The following DLG2 variants were observed in gnomAD, a reference collection of about 807,000 sequenced individuals.
DLG2 encodes discs large MAGUK scaffold protein 2.
Under a neutral mutation model 132.5 loss-of-function variants are expected in DLG2, and 45 were observed. The observed-to-expected ratio is 0.34, with a 90% confidence interval of 0.27 to 0.44. The LOEUF is 0.44. Among genes scored for constraint, DLG2 ranks in the 20% least tolerant of loss-of-function variants. The pLI, the probability that DLG2 is intolerant of heterozygous loss-of-function variation, is 1.00. For synonymous variants in DLG2, 424 were observed against 419.6 expected (o/e 1.01, Z -0.13); for missense variants, 1,045 against 1,196.9 (o/e 0.87, Z 1.87).
At chr11:84,466,673 G>A (rs897933112) in intron 7 of DLG2, among the ~76,000 whole-genome samples, 4 of 151,298 alleles carry the variant, frequency 2.6e-5, no homozygotes, top group Non-Finnish European at 4.4e-5. Flanking sequence ...TATTTCTAGT[G>A]GGGGTACTAA....
intron 6 of DLG2, among the ~76,000 whole-genome samples, chr11:84,942,469 C>T (rs2049575213): frequency 6.6e-6 from 1 of 152,148 alleles, no homozygotes; most frequent in Non-Finnish European, 1.5e-5. Context: ...CCTTTATTGA[C>T]ACACTAGGCA....
intron 8 of DLG2, among the ~76,000 whole-genome samples, chr11:84,216,188 T>A (rs1340377678): frequency 6.6e-6 from 1 of 152,152 alleles, no homozygotes; most frequent in Non-Finnish European, 1.5e-5. Context: ...TGGGCCCCTA[T>A]CTATTCAAGC....
At chr11:84,176,994 A>G (rs1390948420) in intron 8 of DLG2, among the ~76,000 whole-genome samples, 1 of 151,878 alleles carries the variant, frequency 6.6e-6, no homozygotes, top group Non-Finnish European at 1.5e-5. Flanking sequence ...GGTACCAGAA[A>G]AATTTTCACT....
At position 84,594,732 on chromosome 11, in the gene DLG2, T is replaced by C. The variant is rs1374504577; in HGVS notation, c.358-60001A>G. 2.0e-5 allele frequency among the ~76,000 whole-genome samples: 3 copies of C among 152,294 alleles called. No individual in the cohort carries two copies. The East Asian group carries it at 5.8e-4, about 29-fold the overall frequency. On this transcript the variant is annotated intron_variant, in intron 6 of 27. Transcript: ENST00000376104. ...TATATTTGTCTTACAGAAAAATCACTTTGACAGCAGTGTGAGTGATAAACT... is the reference window on the plus strand; with the variant it reads ...TATATTTGTCTTACAGAAAAATCACCTTGACAGCAGTGTGAGTGATAAACT...
At chr11:84,434,139 T>G (rs538215914) in intron 7 of DLG2, among the ~76,000 whole-genome samples, 4 of 145,632 alleles carry the variant, frequency 2.7e-5, no homozygotes, top group African/African-American at 1.0e-4. Flanking sequence ...AAAAAAAGAA[T>G]AATAGGTGAC....
chr11:84,584,545 A>T (rs578120408), intron 6 of DLG2, among the ~76,000 whole-genome samples: 37 of 150,788 alleles, frequency 2.5e-4, no homozygotes, highest in Admixed American at 1.1e-3. Context: ...TTTTATAGAG[A>T]TGGGTTCCTG....
chr11:84,192,750 AAT>A (rs200056563), intron 8 of DLG2, among the ~76,000 whole-genome samples: 256 of 151,534 alleles, frequency 1.7e-3, no homozygotes, highest in African/African-American at 5.7e-3. Context: ...AAAATAAAAA[AAT>A]AAAAGAAATT....
intron 7 of DLG2, among the ~76,000 whole-genome samples, chr11:84,357,506 A>G (rs572610265): frequency 1.3e-5 from 2 of 152,040 alleles, no homozygotes; most frequent in African/African-American, 4.8e-5. Context: ...TTGGGTGATT[A>G]TGTATTTTAT....
At chr11:85,445,121 CT>C (rs1433734668) in intron 3 of DLG2, among the ~76,000 whole-genome samples, 1 of 152,090 alleles carries the variant, frequency 6.6e-6, no homozygotes, top group Non-Finnish European at 1.5e-5. Flanking sequence ...AATGCTGTAC[CT>C]GGTAGATATT....
intron 6 of DLG2, among the ~76,000 whole-genome samples, chr11:84,904,169 A>G (rs1401128528): frequency 6.6e-6 from 1 of 152,194 alleles, no homozygotes; most frequent in East Asian, 1.9e-4. Context: ...TAGCAGAGCA[A>G]CTAGACCCAT....
intron 18 of DLG2, chr11:83,682,206 A>C (rs1321689477): frequency 1.0e-6 from 1 of 985,202 alleles, no homozygotes; most frequent in African/African-American, 1.7e-5. Flanking sequence ...GGAGGCACCA[A>C]AGGCAGCTTC....
chr11:85,204,435 T>C (rs1292302931), intron 4 of DLG2, among the ~76,000 whole-genome samples: 1 of 152,056 alleles, frequency 6.6e-6, no homozygotes, highest in Non-Finnish European at 1.5e-5. Flanking sequence ...CCATTAACAA[T>C]AGTTACCAAA....
At chr11:84,091,131 A>G (rs966315299) in intron 10 of DLG2, among the ~76,000 whole-genome samples, 1 of 152,200 alleles carries the variant, frequency 6.6e-6, no homozygotes, top group African/African-American at 2.4e-5. Flanking sequence ...TCTTTATTTT[A>G]TATTTATTAC....
chr11:85,514,752 C>G (rs1471851369), intron 3 of DLG2, among the ~76,000 whole-genome samples: 1 of 151,674 alleles, frequency 6.6e-6, no homozygotes, highest in African/African-American at 2.4e-5. Flanking sequence ...TGTTGCTTAC[C>G]TTTCTTTTCA....
At chr11:84,254,603 G>A (rs1289129317) in intron 7 of DLG2, among the ~76,000 whole-genome samples, 1 of 152,126 alleles carries the variant, frequency 6.6e-6, no homozygotes, top group East Asian at 1.9e-4. Flanking sequence ...TACCAAGACT[G>A]TGACTACTTT....
intron 3 of DLG2, among the ~76,000 whole-genome samples, chr11:85,534,048 C>T (rs1054877390): frequency 2.0e-5 from 3 of 152,194 alleles, no homozygotes; most frequent in Non-Finnish European, 2.9e-5. Flanking sequence ...AGTGCAATGG[C>T]GCTATCCCAG....
chr11:84,101,261 A>G (rs1360075922), intron 9 of DLG2, among the ~76,000 whole-genome samples: 3 of 152,100 alleles, frequency 2.0e-5, no homozygotes, highest in Non-Finnish European at 4.4e-5. Flanking sequence ...ACTTGTGTAA[A>G]AGCCCTTAGG....
At chr11:84,068,120 A>G (rs2096706521) in intron 10 of DLG2, among the ~76,000 whole-genome samples, 1 of 152,240 alleles carries the variant, frequency 6.6e-6, no homozygotes, top group Non-Finnish European at 1.5e-5. Context: ...TGTTGACTAT[A>G]AAATTTCAAA....
Position 84,894,355 on chromosome 11 carries a change from T to A in DLG2, c.357+217306A>T, listed in dbSNP as rs528513652. 3.3e-5 allele frequency among the ~76,000 whole-genome samples: 5 copies of A among 152,316 alleles called. No individual in the cohort carries two copies. In the South Asian group the frequency reaches 1.0e-3, roughly 32 times the overall value. ...GTCCCTTCCAACTTCTCCCACTTCC[T>A]CTTCTGCTCACTCTTCTTTACCACT... On this transcript the variant is annotated intron_variant, in intron 6 of 27. Transcript: ENST00000376104.
Sources: allele counts gnomAD v4.1 joint callset (sites outside exome capture counted in the v4.1 genomes callset), GRCh38; gene constraint gnomAD v4.1.1; transcripts MANE v1.5; gene names NCBI Gene and HGNC (gene_info 2026-07-23, HGNC 2026-07-21).